NUP98: variants seen among roughly 807,000 people sequenced by gnomAD.
The protein encoded by NUP98 is nuclear pore complex protein Nup98-Nup96.
Under a neutral mutation model 191.9 loss-of-function variants are expected in NUP98, and 26 were observed. The ratio of observed to expected loss-of-function variants is 0.14; its 90% CI spans 0.10 to 0.19. NUP98 has a LOEUF of 0.19. NUP98 is among the 10% of genes least tolerant of loss of function. The probability of loss-of-function intolerance (pLI) is 1.00; values close to 1 mark genes in which losing one functional copy is unlikely to be tolerated. For missense variants in NUP98, 1,941 were observed against 2,178.8 expected (o/e 0.89, Z 2.17); for synonymous variants, 808 against 778.4 (o/e 1.04, Z -0.63).
At chr11:3,763,381 A>T (rs2081238038) in intron 8 of NUP98, among the ~76,000 whole-genome samples, 1 of 152,124 alleles carries the variant, frequency 6.6e-6, no homozygotes, top group African/African-American at 2.4e-5. Flanking sequence ...GCTCTAAGAG[A>T]TGTCAGGGTT....
chr11:3,779,109 T>A, intron 3 of NUP98, 47 bp downstream of exon 3: 2 of 1,612,806 alleles, frequency 1.2e-6, no homozygotes, highest in Non-Finnish European at 1.7e-6. Context: ...AGTCAATTCC[T>A]ATACTAGCTA....
rs768162650 is a variant in NUP98, at chr11:3,731,395, G to C, written c.1726C>G (p.Pro576Ala). Residue 576 changes from proline (P) to alanine (A), a missense_variant, in exon 14 of 33, where the codon CCC (proline) becomes GCC (alanine). Physicochemically the swap from Pro to Ala is conservative, Grantham distance 27. Around this residue, in one of 6 missense-constraint regions of NUP98, gnomAD observed 453 missense variants for 438.2 expected, o/e 1.03. Coordinates refer to ENST00000324932, the MANE Select transcript of NUP98 (RefSeq NM_016320.5). ...TGTTAACAAAAATAAACTCACTTGGGCATGAATGCTCCATTGGCTAGGGAT... is the reference window on the plus strand; with the variant it reads ...TGTTAACAAAAATAAACTCACTTGGCCATGAATGCTCCATTGGCTAGGGAT... ...EPSLANGAFM[P>A]KKSIKKLVLK... 3 of 1,560,238 alleles carry C rather than the reference G, an allele frequency of 1.9e-6. No homozygotes were observed. Among genetic ancestry groups the C allele is most frequent in the Admixed American group, 1.8e-5 (1 of 54,256 alleles).
rs71041395 is a variant in NUP98 at position 3,791,533 on chromosome 11, C to CAAAAAA, written c.-29+5861_-29+5866dup. Among the ~76,000 whole-genome samples the CAAAAAA allele has an allele frequency of 1.8e-3, 124 of 67,192 alleles. 1 individual carries two copies. Among genetic ancestry groups the CAAAAAA allele is most frequent in the African/African-American group, 5.6e-3 (91 of 16,160 alleles). 44.1% of individuals were successfully genotyped at this position (67,192 alleles called of 152,430 possible). On this transcript the variant is annotated intron_variant, in intron 1 of 32. Coordinates refer to ENST00000324932, the MANE Select transcript of NUP98 (RefSeq NM_016320.5). ...TGGGGGAAAGACCGAGACCTCGTCT[C>CAAAAAA]AAAAAAAAAAAAAAAAAAAAAAAAA...
intron 8 of NUP98, among the ~76,000 whole-genome samples, chr11:3,764,792 C>G (rs1225797697): frequency 6.6e-6 from 1 of 152,188 alleles, no homozygotes; most frequent in Non-Finnish European, 1.5e-5. Context: ...GTTGTCCAGG[C>G]TAATCTCGAA....
At position 3,695,476 on chromosome 11, in the gene NUP98, G is replaced by A; in HGVS notation, c.4140C>T (p.Arg1380=). ...ADSFIQDERL[R]IFALLAGKPV... ...GTTTTCCAGCCAACAGAGCAAAGAT[G>A]CGCAGTCTCTCATCCTGGATGAAGG... Residue 1380 remains arginine, a synonymous_variant, in exon 26 of 33, where the codon CGC becomes CGT. Transcript: ENST00000324932. 1 of 1,586,682 alleles carries A rather than the reference G, an allele frequency of 6.3e-7. No individual in the cohort carries two copies. The highest frequency in any genetic ancestry group is 8.6e-7 in the Non-Finnish European group (1 of 1,166,824).
intron 11 of NUP98, among the ~76,000 whole-genome samples, chr11:3,752,397 A>T (rs1215150542): frequency 6.6e-6 from 1 of 151,788 alleles, no homozygotes; most frequent in South Asian, 2.1e-4. Flanking sequence ...CACACCTGTA[A>T]TCCCAGCTAC....
Position 3,699,191 on chromosome 11 carries a change from C to G in NUP98, c.3900G>C (p.Gln1300His). Residue 1300 changes from glutamine to histidine, a missense_variant, in exon 25 of 33, where the codon CAG becomes CAC. Gln to His is a conservative substitution (Grantham distance 24). This residue lies in a region of NUP98 where 1,030 missense variants were observed against 1,115.8 expected (regional missense o/e 0.92). Coordinates refer to ENST00000324932, the MANE Select transcript of NUP98 (RefSeq NM_016320.5). ...SRWLSCTATP[Q>H]IEEEVSLTQK... ...GGGTTAAGGAGACTTCCTCTTCAAT[C>G]TGAGGTGTGGCAGTACAGGATAGCC... 6.2e-7 allele frequency: 1 copy of G among 1,614,166 alleles called. No homozygotes were observed. Among genetic ancestry groups the G allele is most frequent in the Non-Finnish European group, 8.5e-7 (1 of 1,180,032 alleles).
In NUP98 at chr11:3,797,538, G is replaced by A; in HGVS notation, c.-167C>T. The A allele has an allele frequency of 4.5e-6, 2 of 449,104 alleles. No homozygotes were observed. Among genetic ancestry groups the A allele is most frequent in the South Asian group, 4.7e-5 (1 of 21,430 alleles). The allele number at this position is 449,104 out of a possible 1,614,324, so 27.8% of individuals were successfully genotyped here. On this transcript the variant is annotated 5_prime_UTR_variant, in exon 1 of 33. Coordinates refer to ENST00000324932, the MANE Select transcript of NUP98 (RefSeq NM_016320.5). ...CCGACCGCCGCTTCGGGCGCAGCGC[G>A]CAGAGGGCCCGACTGCGTCACACGC...
At chr11:3,761,438 G>T (rs899777214) in intron 9 of NUP98, among the ~76,000 whole-genome samples, 1 of 152,014 alleles carries the variant, frequency 6.6e-6, no homozygotes, top group African/African-American at 2.4e-5. Flanking sequence ...CCTAGCCAAC[G>T]TGGCAAAATC....
intron 12 of NUP98, among the ~76,000 whole-genome samples, chr11:3,737,811 A>C (rs151086017): frequency 6.6e-6 from 1 of 152,176 alleles, no homozygotes; most frequent in East Asian, 1.9e-4. Flanking sequence ...CAATTTTAAG[A>C]GCACAGAGTA....
At chr11:3,738,040 T>C (rs906548826) in intron 12 of NUP98, among the ~76,000 whole-genome samples, 1 of 147,074 alleles carries the variant, frequency 6.8e-6, no homozygotes, top group South Asian at 2.1e-4. Context: ...CCTGTCTTAG[T>C]TGATCCCATC....
At chr11:3,681,908 A>G (rs2077996077) in intron 30 of NUP98, among the ~76,000 whole-genome samples, 1 of 152,134 alleles carries the variant, frequency 6.6e-6, no homozygotes, top group African/African-American at 2.4e-5. Context: ...TTCTTTCAAT[A>G]GAAGGCAGTT....
At chr11:3,705,122 G>T in intron 22 of NUP98, 78 bp downstream of exon 22, 1 of 1,395,346 alleles carries the variant, frequency 7.2e-7, no homozygotes, top group South Asian at 1.2e-5. Context: ...AGTCCACTTG[G>T]GTTAGAAGAA....
At chr11:3,773,538 ACT>A in intron 6 of NUP98, 92 bp downstream of exon 6, 1 of 721,264 alleles carries the variant, frequency 1.4e-6, no homozygotes, top group Middle Eastern at 3.8e-4. Flanking sequence ...AAACTGAACC[ACT>A]CTATCCTAAA....
chr11:3,784,590 A>AC (rs1398117363), intron 1 of NUP98, among the ~76,000 whole-genome samples: 3 of 141,534 alleles, frequency 2.1e-5, no homozygotes, highest in African/African-American at 7.8e-5. Context: ...AAAAACAAAA[A>AC]AAAAACAAAA....
intron 17 of NUP98, among the ~76,000 whole-genome samples, chr11:3,720,472 C>A (rs201187676): frequency 6.6e-6 from 1 of 151,996 alleles, no homozygotes; most frequent in East Asian, 1.9e-4. Flanking sequence ...GAGTTGAGAT[C>A]TGCCAGGCAA....
rs892157500 is a variant in NUP98 at position 3,683,551 on chromosome 11, T to C, written c.4677-110A>G. The C allele has an allele frequency of 4.2e-6, 5 of 1,188,242 alleles. No individual in the cohort carries two copies. The African/African-American group carries it at 6.1e-5, about 15-fold the overall frequency. The allele number at this position is 1,188,242 out of a possible 1,614,324, so 73.6% of individuals were successfully genotyped here. A position where few individuals can be genotyped will look rare whatever the true frequency, so the allele number is the denominator to read the frequency against. ...AGTCTCTTAAACTGCAGGTCTTTTT[T>C]TTTTTTGATGGAGTTTCACTCTTGT... On this transcript the variant is annotated intron_variant, in intron 29 of 32. Coordinates refer to ENST00000324932, the MANE Select transcript of NUP98 (RefSeq NM_016320.5).
chr11:3,717,452 G>A (rs2079226171), intron 18 of NUP98, among the ~76,000 whole-genome samples: 1 of 152,070 alleles, frequency 6.6e-6, no homozygotes, highest in Admixed American at 6.6e-5. Flanking sequence ...TCTTTTTGAT[G>A]CTACTATATA....
intron 16 of NUP98, 142 bp from the exon 17 acceptor site, chr11:3,720,967 GGTGTGTGAGT>G: frequency 4.6e-6 from 2 of 434,564 alleles, no homozygotes; most frequent in East Asian, 3.7e-5. Flanking sequence ...TAGGAGAAGG[GGTGTGTGAGT>G]GTGTGTGTGT....
Sources: gnomAD v4.1 joint callset for allele counts (sites outside exome capture counted in the v4.1 genomes callset) on GRCh38, gnomAD v4.1.1 for gene constraint, gnomAD v4.1.1 regional missense constraint, MANE v1.5 for transcripts, NCBI Gene and HGNC (gene_info 2026-07-23, HGNC 2026-07-21) for gene names.